TSPAN18: variants seen among roughly 807,000 people sequenced by gnomAD.
The protein encoded by TSPAN18 is tetraspanin-18.
Under a neutral mutation model 27.3 loss-of-function variants are expected in TSPAN18, and 14 were observed. The observed-to-expected ratio is 0.51, with a 90% CI of 0.34 to 0.80. TSPAN18 has a LOEUF of 0.80. TSPAN18 is among the 30% of genes least tolerant of loss of function. The probability of loss-of-function intolerance (pLI) is 0.01; values close to 1 mark genes in which losing one functional copy is unlikely to be tolerated. For synonymous variants in TSPAN18, 143 were observed against 136.5 expected, an observed-to-expected ratio of 1.05 and a Z score of -0.33; for missense variants, 268 against 323.9, an observed-to-expected ratio of 0.83 and a Z score of 1.32.
chr11:44,792,217 G>A (rs533782417), intron 2 of TSPAN18, among the ~76,000 whole-genome samples: 9 of 152,198 alleles, frequency 5.9e-5, no homozygotes, highest in Admixed American at 6.5e-5. Context: ...GAGTGATGCC[G>A]GGGGAAGCTG....
intron 3 of TSPAN18, among the ~76,000 whole-genome samples, chr11:44,880,945 G>A (rs1240708223): frequency 6.6e-6 from 1 of 152,252 alleles, no homozygotes; most frequent in Admixed American, 6.5e-5. Flanking sequence ...TGGCCTGCAG[G>A]CTGGAGGGAC....
At chr11:44,895,703 T>G (rs112281453) in intron 3 of TSPAN18, among the ~76,000 whole-genome samples, 1 of 152,032 alleles carries the variant, frequency 6.6e-6, no homozygotes, top group Non-Finnish European at 1.5e-5. Context: ...CGCCAGACAT[T>G]CCCCAGAGTT....
chr11:44,749,221 C>A (rs944884690), intron 1 of TSPAN18, among the ~76,000 whole-genome samples: 6 of 152,210 alleles, frequency 3.9e-5, no homozygotes, highest in Non-Finnish European at 5.9e-5. Context: ...TTATTATGAG[C>A]CTTGAGCGAG....
chr11:44,793,345 C>G (rs947926160), intron 2 of TSPAN18, among the ~76,000 whole-genome samples: 12 of 152,156 alleles, frequency 7.9e-5, no homozygotes, highest in Admixed American at 3.9e-4. Flanking sequence ...GGGCCACCTG[C>G]TGAAGAAGAA....
chr11:44,770,378 A>G (rs537810188), intron 2 of TSPAN18, among the ~76,000 whole-genome samples: 1 of 152,250 alleles, frequency 6.6e-6, no homozygotes, highest in East Asian at 1.9e-4. Flanking sequence ...GCAATGAGGA[A>G]CAAGCCTTGA....
At position 44,727,097 on chromosome 11, in the gene TSPAN18, CCCCGGCCCCGGT is replaced by C. The variant is rs1426720273; in HGVS notation, c.-419_-408del. The stretch of plus-strand genomic sequence containing the variant: ...GCCCCGGCCCCGGCCCCGGCCCCGG[CCCCGGCCCCGGT>C]CCCGGCCCCGAGCCCCGAGCGAGCG... On this transcript the variant is annotated 5_prime_UTR_variant, in exon 1 of 10. Coordinates refer to ENST00000520358, the MANE Select transcript of TSPAN18 (RefSeq NM_130783.5). The C allele has an allele frequency of 7.1e-6, 1 of 140,464 alleles. No individual in the cohort carries two copies. Among genetic ancestry groups the C allele is most frequent in the African/African-American group, 2.7e-5 (1 of 37,672 alleles). The allele number at this position is 140,464 out of a possible 1,614,324, so 8.7% of individuals were successfully genotyped here. A position where few individuals can be genotyped will look rare whatever the true frequency, so the allele number is the denominator to read the frequency against.
chr11:44,813,101 T>A (rs1273604333), intron 2 of TSPAN18, among the ~76,000 whole-genome samples: 2 of 152,284 alleles, frequency 1.3e-5, no homozygotes, highest in East Asian at 3.9e-4. Context: ...TGCCTTGATT[T>A]CTCCCAGTCC....
intron 3 of TSPAN18, among the ~76,000 whole-genome samples, chr11:44,899,753 T>A (rs1859190085): frequency 1.3e-5 from 2 of 152,218 alleles, no homozygotes; most frequent in African/African-American, 2.4e-5. Context: ...AAAGGTTATG[T>A]AGTTCACCCA....
At chr11:44,774,773 C>G (rs2134928013) in intron 2 of TSPAN18, among the ~76,000 whole-genome samples, 1 of 152,256 alleles carries the variant, frequency 6.6e-6, no homozygotes, top group South Asian at 2.1e-4. Flanking sequence ...CCAGGTTGAT[C>G]TCAAAAGATA....
At chr11:44,894,904 C>T (rs1052732347) in intron 3 of TSPAN18, among the ~76,000 whole-genome samples, 1 of 152,212 alleles carries the variant, frequency 6.6e-6, no homozygotes, top group African/African-American at 2.4e-5. Context: ...GTATCAGGAG[C>T]TCTGGTTTGG....
At chr11:44,748,785 C>T (rs1855141444) in intron 1 of TSPAN18, among the ~76,000 whole-genome samples, 1 of 152,100 alleles carries the variant, frequency 6.6e-6, no homozygotes, top group South Asian at 2.1e-4. Flanking sequence ...GGGGGAGGGG[C>T]GGCGGAAATC....
intron 9 of TSPAN18, 139 bp downstream of exon 9, chr11:44,926,896 G>A: frequency 2.5e-6 from 2 of 787,952 alleles, no homozygotes; most frequent in African/African-American, 1.7e-5. Context: ...CTATGGGGTG[G>A]TAAGCCCGGC....
chr11:44,856,664 G>T (rs1474040788), intron 2 of TSPAN18, among the ~76,000 whole-genome samples: 2 of 152,134 alleles, frequency 1.3e-5, no homozygotes, highest in African/African-American at 4.8e-5. Flanking sequence ...GGAATCCCAG[G>T]TATATAGCAA....
intron 2 of TSPAN18, among the ~76,000 whole-genome samples, chr11:44,858,035 C>T (rs562800234): frequency 2.0e-5 from 3 of 152,236 alleles, no homozygotes; most frequent in Non-Finnish European, 4.4e-5. Flanking sequence ...GTCTATTTCA[C>T]AGCCGTGTGT....
intron 7 of TSPAN18, 135 bp downstream of exon 7, chr11:44,919,447 C>T (rs966412885): frequency 2.8e-5 from 22 of 779,736 alleles, no homozygotes; most frequent in East Asian, 7.9e-5. Flanking sequence ...TCACCATCCA[C>T]GCAGCATTCC....
At position 44,850,933 on chromosome 11, in the gene TSPAN18, G is replaced by C. The variant is rs1048600484; in HGVS notation, c.-152-9395G>C. 3.3e-4 allele frequency among the ~76,000 whole-genome samples: 51 copies of C among 152,296 alleles called. 1 individual carries two copies. Among genetic ancestry groups the C allele is most frequent in the Non-Finnish European group, 6.2e-4 (42 of 68,018 alleles). On this transcript the variant is annotated intron_variant, in intron 2 of 9. Transcript: ENST00000520358. Reference sequence around the variant, plus strand: ...TGCCTTCCACTCCAGGGTTAAAGATGGTGGAATACCTCTGTCTCCTTACAG... The same window carrying C: ...TGCCTTCCACTCCAGGGTTAAAGATCGTGGAATACCTCTGTCTCCTTACAG...
At chr11:44,896,859 C>T (rs1842312556) in intron 3 of TSPAN18, among the ~76,000 whole-genome samples, 1 of 152,152 alleles carries the variant, frequency 6.6e-6, no homozygotes, top group South Asian at 2.1e-4. Flanking sequence ...CTGGCACAGC[C>T]CCTGGCACAT....
At chr11:44,852,313 G>T (rs906083189) in intron 2 of TSPAN18, among the ~76,000 whole-genome samples, 1 of 152,172 alleles carries the variant, frequency 6.6e-6, no homozygotes, top group Non-Finnish European at 1.5e-5. Context: ...GTTACACGTA[G>T]TAACAACACT....
At chr11:44,728,628 G>C (rs929823693) in intron 1 of TSPAN18, among the ~76,000 whole-genome samples, 2 of 152,116 alleles carry the variant, frequency 1.3e-5, no homozygotes, top group Admixed American at 6.5e-5. Context: ...CTCATCCCCT[G>C]GGTCTGTGGT....
Sources: gnomAD v4.1 joint callset for allele counts (sites outside exome capture counted in the v4.1 genomes callset) on GRCh38, gnomAD v4.1.1 for gene constraint, MANE v1.5 for transcripts, NCBI Gene and HGNC (gene_info 2026-07-23, HGNC 2026-07-21) for gene names.